The following PRPF18 variants were observed in gnomAD, a reference collection of about 807,000 sequenced individuals.
The protein encoded by PRPF18 is pre-mRNA processing factor 18, also known as pre-mRNA-splicing factor 18.
Under a neutral mutation model 46.5 loss-of-function variants are expected in PRPF18, and 38 were observed. That is an observed-to-expected ratio of 0.82 (90% CI 0.63 to 1.07). The LOEUF (loss-of-function observed/expected upper bound fraction) is 1.07. Ranked by LOEUF, PRPF18 falls within the 50% of genes least tolerant of loss-of-function variation. PRPF18 has a pLI of 0.00. For missense variants in PRPF18, 263 were observed against 410.0 expected (o/e 0.64, Z 3.10); for synonymous variants, 152 against 146.7 (o/e 1.04, Z -0.26).
chr10:13,615,532 ACC>A (rs2080326417), intron 8 of PRPF18, among the ~76,000 whole-genome samples: 1 of 152,140 alleles, frequency 6.6e-6, no homozygotes, highest in Admixed American at 6.5e-5. Context: ...TCTTCCAGCT[ACC>A]CTATCTGTAG....
At position 13,600,312 on chromosome 10, in the gene PRPF18, A is replaced by C. The variant is rs745920114; in HGVS notation, c.213A>C (p.Ala71=). The change falls in exon 3 of 10, where the codon GCA becomes GCC. Residue 71 remains alanine (A), a synonymous_variant. Transcript: ENST00000378572. ...SSNPVLELEL[A]EEKLPMTLSR... is the part of the protein sequence containing the mutation. Reference sequence around the variant, plus strand: ...ATCCAGTGTTAGAACTTGAACTGGCAGAGGAAAAATTACCTATGACGCTTT... The same window carrying C: ...ATCCAGTGTTAGAACTTGAACTGGCCGAGGAAAAATTACCTATGACGCTTT... The C allele has an allele frequency of 3.7e-6, 6 of 1,612,826 alleles. No homozygotes were observed. In the South Asian group the frequency reaches 6.6e-5, roughly 18 times the overall value.
chr10:13,618,507 T>A (rs1278769370), intron 9 of PRPF18, among the ~76,000 whole-genome samples: 2 of 149,872 alleles, frequency 1.3e-5, no homozygotes, highest in East Asian at 4.0e-4. Context: ...GTGCCTGTAG[T>A]CCTAGCTACC....
intron 4 of PRPF18, among the ~76,000 whole-genome samples, chr10:13,608,423 T>C (rs1034363075): frequency 9.2e-5 from 14 of 152,226 alleles, no homozygotes; most frequent in Non-Finnish European, 1.6e-4. Flanking sequence ...CTGCTTTCTT[T>C]GTTGCCAAAC....
chr10:13,608,188 C>T (rs1349239180), intron 4 of PRPF18, among the ~76,000 whole-genome samples: 1 of 152,198 alleles, frequency 6.6e-6, no homozygotes, highest in Non-Finnish European at 1.5e-5. Context: ...ATTACCAGTT[C>T]TGTGGTTTTA....
chr10:13,591,914 CGT>C, intron 1 of PRPF18: 1 of 1,375,802 alleles, frequency 7.3e-7, no homozygotes, highest in Non-Finnish European at 9.8e-7. Context: ...AGTTTTCTCA[CGT>C]GTCAACTGAG....
intron 1 of PRPF18, among the ~76,000 whole-genome samples, chr10:13,589,799 A>G (rs972713842): frequency 1.3e-5 from 2 of 152,218 alleles, no homozygotes; most frequent in South Asian, 2.1e-4. Context: ...GGCAAATTTC[A>G]TGATCATTGA....
chr10:13,591,995 C>T (rs1564449001), intron 1 of PRPF18: 2 of 877,920 alleles, frequency 2.3e-6, no homozygotes, highest in Non-Finnish European at 3.5e-6. Flanking sequence ...AATATCTAGG[C>T]ATTTTATGAA....
At chr10:13,652,828 ATTTT>A in the PRPF18 span, 1 of 152,086 alleles carries the variant, frequency 6.6e-6, no homozygotes, top group South Asian at 2.1e-4. Flanking sequence ...AGAGTTTTGG[ATTTT>A]TTTTGTGTTA....
intron 9 of PRPF18, among the ~76,000 whole-genome samples, chr10:13,629,921 C>T (rs955753433): frequency 9.2e-5 from 14 of 152,246 alleles, no homozygotes; most frequent in Admixed American, 2.0e-4. Context: ...TGAGACTGGC[C>T]GAATTGTTAC....
intron 9 of PRPF18, among the ~76,000 whole-genome samples, chr10:13,627,929 G>C (rs572358575): frequency 1.3e-5 from 2 of 152,190 alleles, no homozygotes; most frequent in Non-Finnish European, 2.9e-5. Context: ...TCATCAGGGT[G>C]TTCTCTTGCC....
intron 8 of PRPF18, 66 bp from the exon 9 acceptor site, chr10:13,616,332 T>C (rs1407921814): frequency 9.5e-6 from 14 of 1,466,670 alleles, no homozygotes; most frequent in Non-Finnish European, 1.3e-5. Flanking sequence ...TGAAATACTT[T>C]CAGTAAGAAT....
Position 13,610,131 on chromosome 10 carries a change from C to T in PRPF18, c.456C>T (p.Asp152=). Residue 152 remains aspartate (D), a synonymous_variant, in exon 5 of 10, where the codon GAC becomes GAT. Coordinates refer to ENST00000378572, the MANE Select transcript of PRPF18 (RefSeq NM_003675.4). ...GCGGTCAGGAGCCTGGAGAGGAAGA[C>T]ACACAGAATGATCTGAAAGTTCATG... is the stretch of plus-strand genomic sequence containing the variant. ...IVGGQEPGEE[D]TQNDLKVHEE... 1.2e-6 allele frequency: 2 copies of T among 1,614,078 alleles called. No homozygotes were observed. The highest frequency in any genetic ancestry group is 4.5e-5 in the East Asian group (2 of 44,884).
At chr10:13,655,482 C>T in the PRPF18 span, 11 of 152,302 alleles carry the variant, frequency 7.2e-5, no homozygotes, top group African/African-American at 1.9e-4. Context: ...TCTGGGACCC[C>T]GAAGTCCACG....
chr10:13,591,129 A>C (rs972664332), intron 1 of PRPF18, among the ~76,000 whole-genome samples: 10 of 152,192 alleles, frequency 6.6e-5, no homozygotes, highest in Non-Finnish European at 1.0e-4. Flanking sequence ...CTTGAGGGTG[A>C]GTGCTCTTGC....
chr10:13,644,913 G>A, the PRPF18 span: 3 of 152,222 alleles, frequency 2.0e-5, no homozygotes, highest in Non-Finnish European at 4.4e-5. Context: ...TCTTTATCCT[G>A]CAGGTGTACA....
At chr10:13,614,483 C>T (rs891538941) in intron 8 of PRPF18, among the ~76,000 whole-genome samples, 2 of 152,160 alleles carry the variant, frequency 1.3e-5, no homozygotes, top group African/African-American at 4.8e-5. Context: ...ATAAAAGCCC[C>T]TTTAATCTGT....
intron 9 of PRPF18, among the ~76,000 whole-genome samples, chr10:13,629,972 C>T (rs1018223985): frequency 6.6e-6 from 1 of 152,108 alleles, no homozygotes; most frequent in Non-Finnish European, 1.5e-5. Context: ...TGTAAGATAT[C>T]CCATTTGTGA....
At chr10:13,608,445 T>A (rs2080221706) in intron 4 of PRPF18, among the ~76,000 whole-genome samples, 1 of 152,236 alleles carries the variant, frequency 6.6e-6, no homozygotes, top group African/African-American at 2.4e-5. Context: ...ACTTTCCTGC[T>A]TTACTTCCCA....
chr10:13,601,673 C>T (rs1430559559), intron 3 of PRPF18, among the ~76,000 whole-genome samples: 1 of 152,012 alleles, frequency 6.6e-6, no homozygotes, highest in Admixed American at 6.6e-5. Context: ...TGTGTATGAA[C>T]ATTTTTTACA....
Sources: gnomAD v4.1 joint callset for allele counts (sites outside exome capture counted in the v4.1 genomes callset) on GRCh38, gnomAD v4.1.1 for gene constraint, MANE v1.5 for transcripts, NCBI Gene and HGNC (gene_info 2026-07-23, HGNC 2026-07-21) for gene names.